SHOX: variants seen among roughly 807,000 people sequenced by gnomAD.
The protein encoded by SHOX is SHOX homeobox.
Under a neutral mutation model 29.6 loss-of-function variants are expected in SHOX, and 12 were observed. That is an observed-to-expected ratio of 0.41 (90% CI 0.26 to 0.66). SHOX has a LOEUF of 0.66. Ranked by LOEUF, SHOX falls within the 30% of genes least tolerant of loss-of-function variation. SHOX has a pLI of 0.35. For missense variants in SHOX, 499 were observed against 437.7 expected (o/e 1.14, Z -1.25); for synonymous variants, 214 against 200.6 (o/e 1.07, Z -0.57).
At chrX:638,456 G>A (rs2052794848) in intron 2 of SHOX, among the ~76,000 whole-genome samples, 1 of 152,146 alleles carries the variant, frequency 6.6e-6, no homozygotes, top group African/African-American at 2.4e-5. Flanking sequence ...GTCAGTGGAG[G>A]TGGAGGTCTG....
At chrX:632,626 A>T (rs374592587) in intron 1 of SHOX, among the ~76,000 whole-genome samples, 1 of 152,206 alleles carries the variant, frequency 6.6e-6, no homozygotes, top group Non-Finnish European at 1.5e-5. Context: ...AGGAGGCACC[A>T]GGCAGCTTCC....
chrX:624,936 T>C (rs1169089288), intron 1 of SHOX, among the ~76,000 whole-genome samples: 1 of 136,174 alleles, frequency 7.3e-6, no homozygotes, highest in Non-Finnish European at 1.6e-5. Flanking sequence ...CTTTCTTTTC[T>C]TTCTTTCACT....
intron 5 of SHOX, chrX:658,768 CCT>C: frequency 2.6e-6 from 1 of 391,760 alleles, no homozygotes; most frequent in South Asian, 1.9e-5. Flanking sequence ...CTGCACTTGG[CCT>C]TTTTTTTTTT....
rs761279860 is a variant in SHOX at position 649,818 on chromosome X, G to A, written c.*5182G>A. The A allele has an allele frequency of 5.9e-5, 26 of 441,478 alleles. No individual in the cohort carries two copies. In the East Asian group the frequency reaches 1.6e-3, roughly 27 times the overall value. 27.3% of individuals were successfully genotyped at this position (441,478 alleles called of 1,614,324 possible). A position where few individuals can be genotyped will look rare whatever the true frequency, so the allele number is the denominator to read the frequency against. On this transcript the variant is annotated 3_prime_UTR_variant, in exon 5 of 5. Coordinates refer to ENST00000686671, the MANE Select transcript of SHOX (RefSeq NM_000451.4). ...TCCCCAAAACTTGGCCAAATAGTCC[G>A]TGGAGGGTTGTCAGTCGCCGCAGTT...
Position 651,107 on chromosome X carries a change from T to TTTA in SHOX, c.*6473_*6474insATT, listed in dbSNP as rs1000042924. The TTTA allele has an allele frequency of 1.8e-5, 4 of 224,868 alleles. No individual in the cohort carries two copies. The African/African-American group carries it at 2.3e-4, about 13-fold the overall frequency. The allele number at this position is 224,868 out of a possible 1,614,324, so 13.9% of individuals were successfully genotyped here. A position where few individuals can be genotyped will look rare whatever the true frequency, so the allele number is the denominator to read the frequency against. On this transcript the variant is annotated 3_prime_UTR_variant, in exon 5 of 5. Coordinates refer to ENST00000686671, the MANE Select transcript of SHOX (RefSeq NM_000451.4). ...GTGATGTATGTGCATTTGTTATTTA[T>TTTA]TTTTTTTTCCTTGGTCGGACGTTCA...
At chrX:639,067 G>A (rs928539672) in intron 2 of SHOX, among the ~76,000 whole-genome samples, 3 of 152,226 alleles carry the variant, frequency 2.0e-5, no homozygotes, top group African/African-American at 7.2e-5. Flanking sequence ...GTCTGTGGAG[G>A]AGGGGATTGT....
rs1335171952 is a variant in SHOX, at chrX:644,397, G to A, written c.640G>A (p.Ala214Thr). The change falls in exon 5 of 5, where the codon GCT becomes ACT. Residue 214 changes from alanine to threonine, a missense_variant. By Grantham distance (58) the Ala-to-Thr change is moderately conservative. Coordinates refer to ENST00000686671, the MANE Select transcript of SHOX (RefSeq NM_000451.4). The part of the protein sequence containing the change: ...ALRMPFQQVQ[A>T]QLQLEGVAHA... The stretch of plus-strand genomic sequence containing the variant: ...GCCGGGTCCGCTCCCGCAGGTCCAG[G>A]CTCAGCTGCAGCTGGAAGGCGTGGC... 26 of 1,522,438 alleles carry A rather than the reference G, an allele frequency of 1.7e-5. No individual in the cohort carries two copies. Among genetic ancestry groups the A allele is most frequent in the Non-Finnish European group, 2.2e-5 (25 of 1,142,616 alleles). The allele number at this position is 1,522,438 out of a possible 1,614,324, so 94.3% of individuals were successfully genotyped here.
At chrX:656,582 C>G (rs28785237), downstream of SHOX, among the ~76,000 whole-genome samples, 80,533 of 151,458 alleles carry the variant, frequency 0.53, 22,116 homozygotes, top group South Asian at 0.64. Context: ...TGGCTCAAGC[C>G]TGTGATCCCA....
Position 631,086 on chromosome X carries a change from C to G in SHOX, c.189C>G (p.Gly63=). The part of the protein sequence containing the change: ...DSSLQDITEG[G]GHCPVHLFKD... ...GCCTCCAGGACATCACGGAGGGCGGCGGCCACTGCCCGGTGCATTTGTTCA... is the reference window on the plus strand; with the variant it reads ...GCCTCCAGGACATCACGGAGGGCGGGGGCCACTGCCCGGTGCATTTGTTCA... The change falls in exon 1 of 5, where the codon GGC becomes GGG. Residue 63 remains glycine, a synonymous_variant. Transcript: ENST00000686671. 6.2e-7 allele frequency: 1 copy of G among 1,613,712 alleles called. No individual in the cohort carries two copies. Among genetic ancestry groups the G allele is most frequent in the Non-Finnish European group, 8.5e-7 (1 of 1,179,854 alleles).
chrX:644,860 C>A lies in SHOX; in HGVS notation c.*224C>A. Reference sequence around the variant, plus strand: ...TGGTGCAGAAGGCGGAGCGGGTGAGCGGCCGTGCGTCCAGCCCGGGCCTCT... The same window carrying A: ...TGGTGCAGAAGGCGGAGCGGGTGAGAGGCCGTGCGTCCAGCCCGGGCCTCT... On this transcript the variant is annotated 3_prime_UTR_variant, in exon 5 of 5. Transcript: ENST00000686671. 1.7e-6 allele frequency: 1 copy of A among 578,078 alleles called. No individual in the cohort carries two copies. The highest frequency in any genetic ancestry group is 2.7e-6 in the Non-Finnish European group (1 of 369,660). The allele number at this position is 578,078 out of a possible 1,614,324, so 35.8% of individuals were successfully genotyped here.
rs1569495686 is a variant in SHOX, at chrX:648,911, T to TTCCTTCCTTC, written c.*4275_*4276insTCCTTCCTTC. ...CTTCTCCTTCCTTCCTTCCTTCCTT[T>TTCCTTCCTTC]CTTTCTTTTTCTTTCTTTCTCTCTT... is the stretch of plus-strand genomic sequence containing the variant. On this transcript the variant is annotated 3_prime_UTR_variant, in exon 5 of 5. Transcript: ENST00000686671. Among the ~76,000 whole-genome samples, 709 of 127,478 alleles carry TTCCTTCCTTC rather than the reference T, an allele frequency of 5.6e-3. 15 individuals are homozygous for TTCCTTCCTTC. The highest frequency in any genetic ancestry group is 0.019 in the African/African-American group (665 of 34,146). 83.6% of individuals were successfully genotyped at this position (127,478 alleles called of 152,430 possible).
At chrX:633,376 T>C (rs1184617981) in intron 1 of SHOX, among the ~76,000 whole-genome samples, 2 of 146,760 alleles carry the variant, frequency 1.4e-5, no homozygotes, top group East Asian at 4.2e-4. Flanking sequence ...ACGATTCACT[T>C]GGGGGGAAGG....
At position 631,053 on chromosome X, in the gene SHOX, G is replaced by T. The variant is rs1382141252; in HGVS notation, c.156G>T (p.Ser52=). The change falls in exon 1 of 5, where the codon TCG becomes TCT. Residue 52 remains serine (S), a synonymous_variant. Coordinates refer to ENST00000686671, the MANE Select transcript of SHOX (RefSeq NM_000451.4). Reference sequence around the variant, plus strand: ...CGCGCTCCCGGGAGCTGGGGACGTCGGATTCCAGCCTCCAGGACATCACGG... The same window carrying T: ...CGCGCTCCCGGGAGCTGGGGACGTCTGATTCCAGCCTCCAGGACATCACGG... ...GLARSRELGT[S]DSSLQDITEG... 6.2e-7 allele frequency: 1 copy of T among 1,613,698 alleles called. No homozygotes were observed. The highest frequency in any genetic ancestry group is 8.5e-7 in the Non-Finnish European group (1 of 1,179,870).
rs916674920 is a variant in SHOX at position 648,793 on chromosome X, C to T, written c.*4157C>T. Among the ~76,000 whole-genome samples, 3 of 151,944 alleles carry T rather than the reference C, an allele frequency of 2.0e-5. No individual in the cohort carries two copies. Among genetic ancestry groups the T allele is most frequent in the African/African-American group, 7.3e-5 (3 of 41,352 alleles). On this transcript the variant is annotated 3_prime_UTR_variant, in exon 5 of 5. Coordinates refer to ENST00000686671, the MANE Select transcript of SHOX (RefSeq NM_000451.4). ...GTGTGGGGTACGTGTATGCTAGCTG[C>T]TTCTTTCTCCCTGAAACTCTCGGAT... is the stretch of plus-strand genomic sequence containing the variant.
chrX:652,009 G>A (rs58642925), downstream of SHOX, among the ~76,000 whole-genome samples: 673 of 151,854 alleles, frequency 4.4e-3, 6 homozygotes, highest in African/African-American at 0.016. Flanking sequence ...CGCGACCTCC[G>A]CCTCCCGGGT....
At chrX:659,008 AC>A in exon 6 of SHOX, 1 of 144,834 alleles carries the variant, frequency 6.9e-6, no homozygotes, top group Non-Finnish European at 1.5e-5. Flanking sequence ...CAGGTGATCC[AC>A]CCGCCTTAGC....
chrX:641,958 C>G (rs887817904), intron 4 of SHOX, among the ~76,000 whole-genome samples: 14 of 152,120 alleles, frequency 9.2e-5, no homozygotes, highest in Non-Finnish European at 1.8e-4. Context: ...GGCTTGGGCT[C>G]TGCACCTCTG....
At chrX:635,131 C>G (rs1303981539) in intron 2 of SHOX, among the ~76,000 whole-genome samples, 1 of 152,004 alleles carries the variant, frequency 6.6e-6, no homozygotes, top group Non-Finnish European at 1.5e-5. Context: ...GATATTTGTT[C>G]GTCCTTGGTG....
At chrX:657,547 G>A (rs1188619957) in intron 5 of SHOX, among the ~76,000 whole-genome samples, 1 of 152,046 alleles carries the variant, frequency 6.6e-6, no homozygotes, top group Non-Finnish European at 1.5e-5. Context: ...CAAAGAACCT[G>A]CTCCCCCCAC....
Sources: allele counts gnomAD v4.1 joint callset (sites outside exome capture counted in the v4.1 genomes callset), GRCh38; gene constraint gnomAD v4.1.1; transcripts MANE v1.5; gene names NCBI Gene and HGNC (gene_info 2026-07-23, HGNC 2026-07-21).